Variants in EIF3H observed in about 807,000 individuals in gnomAD.
EIF3H encodes eIF-3-gamma.
A neutral mutation model predicts 44.2 loss-of-function variants in EIF3H; 26 were observed. The ratio of observed to expected loss-of-function variants is 0.59; its 90% CI spans 0.43 to 0.82. EIF3H has a LOEUF of 0.82. EIF3H is among the 40% of genes least tolerant of loss of function. The probability of loss-of-function intolerance (pLI) is 0.00; values close to 1 mark genes in which losing one functional copy is unlikely to be tolerated. For missense variants in EIF3H, 359 were observed against 432.8 expected, an observed-to-expected ratio of 0.83 and a Z score of 1.51; for synonymous variants, 166 against 151.9, an observed-to-expected ratio of 1.09 and a Z score of -0.68.
At chr8:116,710,773 T>C (rs1027440095) in intron 2 of EIF3H, among the ~76,000 whole-genome samples, 1 of 152,216 alleles carries the variant, frequency 6.6e-6, no homozygotes, top group African/African-American at 2.4e-5. Flanking sequence ...TGGTTCTGCA[T>C]TTGCCATTAA....
chr8:116,723,295 A>G (rs1191818209), intron 2 of EIF3H, among the ~76,000 whole-genome samples: 1 of 152,198 alleles, frequency 6.6e-6, no homozygotes, highest in Non-Finnish European at 1.5e-5. Flanking sequence ...TTTAAATATA[A>G]TTAAGTACCC....
intron 5 of EIF3H, among the ~76,000 whole-genome samples, chr8:116,651,542 C>T (rs1813394054): frequency 6.6e-6 from 1 of 152,170 alleles, no homozygotes; most frequent in Non-Finnish European, 1.5e-5. Flanking sequence ...GTAAATTTAT[C>T]TTTTAATCCC....
upstream of EIF3H, chr8:116,755,854 G>A: frequency 6.2e-7 from 1 of 1,600,814 alleles, no homozygotes; most frequent in Non-Finnish European, 8.5e-7. Flanking sequence ...GGAAGTACAA[G>A]TCTCGCGTGA....
intron 1 of EIF3H, among the ~76,000 whole-genome samples, chr8:116,763,014 A>G (rs886552754): frequency 3.3e-5 from 5 of 152,248 alleles, no homozygotes; most frequent in Non-Finnish European, 7.3e-5. Flanking sequence ...ACTCCAGAAT[A>G]AAATCAGGAG....
chr8:116,651,598 T>C (rs951497872), intron 5 of EIF3H, among the ~76,000 whole-genome samples: 1 of 152,252 alleles, frequency 6.6e-6, no homozygotes, highest in Non-Finnish European at 1.5e-5. Flanking sequence ...CATGGTCTGA[T>C]GACTTCACCT....
intron 1 of EIF3H, among the ~76,000 whole-genome samples, chr8:116,733,445 A>C (rs1046247934): frequency 5.3e-5 from 8 of 152,192 alleles, no homozygotes; most frequent in African/African-American, 1.7e-4. Context: ...GGCCTGACCT[A>C]AATCACCTCA....
intron 1 of EIF3H, among the ~76,000 whole-genome samples, chr8:116,754,183 G>A (rs1401286829): frequency 6.6e-6 from 1 of 151,484 alleles, no homozygotes; most frequent in East Asian, 1.9e-4. Context: ...GCACAATCTC[G>A]GCTCACTGCA....
chr8:116,711,167 G>GA (rs1001513004), intron 2 of EIF3H, among the ~76,000 whole-genome samples: 3 of 152,034 alleles, frequency 2.0e-5, no homozygotes, highest in Admixed American at 2.0e-4. Flanking sequence ...TCTGGATTCT[G>GA]AAAAAAACAT....
intron 1 of EIF3H, among the ~76,000 whole-genome samples, chr8:116,729,954 GACTC>G (rs1449448184): frequency 6.6e-6 from 1 of 152,158 alleles, no homozygotes; most frequent in Non-Finnish European, 1.5e-5. Context: ...ATTCAGGAAA[GACTC>G]AATCACTAAA....
chr8:116,734,476 T>A (rs1815000153), intron 1 of EIF3H: 1 of 440,010 alleles, frequency 2.3e-6, no homozygotes, highest in Admixed American at 2.5e-5. Flanking sequence ...TCTAGATGGA[T>A]AAGCACTAGG....
chr8:116,752,774 AGGGAGGGAGGGAGGGAGGGAG>A lies in EIF3H; in HGVS notation c.132+2871_132+2891del, dbSNP rs1563663172. On this transcript the variant is annotated intron_variant, in intron 1 of 7. Transcript: ENST00000521861. ...GAAAGAGGGAGGGAGGGAGGGAGGGAGGGAGGGAGGGAGGGAGGGAGGGAAGGAAGGAAGGAAGGAAGGAAG... is the reference window on the plus strand; with the variant it reads ...GAAAGAGGGAGGGAGGGAGGGAGGGAGGAAGGAAGGAAGGAAGGAAGGAAG... Among the ~76,000 whole-genome samples, 5 of 46,988 alleles carry A rather than the reference AGGGAGGGAGGGAGGGAGGGAG, an allele frequency of 1.1e-4. 1 individual carries two copies. The highest frequency in any genetic ancestry group is 3.5e-4 in the African/African-American group (5 of 14,440). The allele number at this position is 46,988 out of a possible 152,430, so 30.8% of individuals were successfully genotyped here. A position where few individuals can be genotyped will look rare whatever the true frequency, so the allele number is the denominator to read the frequency against.
At chr8:116,715,688 A>T (rs1814650007) in intron 2 of EIF3H, among the ~76,000 whole-genome samples, 1 of 152,136 alleles carries the variant, frequency 6.6e-6, no homozygotes, top group Admixed American at 6.6e-5. Context: ...GCAGTGAGTT[A>T]TTGAATCTGT....
At chr8:116,651,086 A>T (rs1456117617) in intron 5 of EIF3H, among the ~76,000 whole-genome samples, 1 of 152,204 alleles carries the variant, frequency 6.6e-6, no homozygotes, top group East Asian at 1.9e-4. Context: ...AATGGTTGTA[A>T]AACATTGTGA....
chr8:116,651,739 T>C (rs1813397337), intron 5 of EIF3H, among the ~76,000 whole-genome samples: 1 of 152,204 alleles, frequency 6.6e-6, no homozygotes, highest in Non-Finnish European at 1.5e-5. Context: ...AATTTCTAAA[T>C]AGTTGATTTA....
chr8:116,645,196 G>A, intron 7 of EIF3H, 93 bp from the exon 8 acceptor site: 4 of 898,510 alleles, frequency 4.5e-6, no homozygotes, highest in East Asian at 5.1e-5. Context: ...GCATAAAACA[G>A]AATCACCTGT....
chr8:116,755,596 G>C, intron 1 of EIF3H, 70 bp downstream of exon 1: 1 of 1,599,008 alleles, frequency 6.3e-7, no homozygotes, highest in Admixed American at 1.7e-5. Context: ...ATGCTAGAAA[G>C]TACGTCTGGT....
rs116520740 is a variant in EIF3H at position 116,644,438 on chromosome 8, A to G, written c.*568T>C. ...ATCTTGTGTCCCATGGCCTATGAGTACGGGGACTGGTTGACCATCACCTGC... is the reference window on the plus strand; with the variant it reads ...ATCTTGTGTCCCATGGCCTATGAGTGCGGGGACTGGTTGACCATCACCTGC... On this transcript the variant is annotated 3_prime_UTR_variant, in exon 8 of 8. Coordinates refer to ENST00000521861, the MANE Select transcript of EIF3H (RefSeq NM_003756.3). The G allele has an allele frequency of 5.9e-3, 899 of 153,258 alleles. 8 individuals are homozygous for G. Among genetic ancestry groups the G allele is most frequent in the African/African-American group, 0.021 (878 of 41,562 alleles). The allele number at this position is 153,258 out of a possible 1,614,324, so 9.5% of individuals were successfully genotyped here. A position where few individuals can be genotyped will look rare whatever the true frequency, so the allele number is the denominator to read the frequency against.
intron 2 of EIF3H, among the ~76,000 whole-genome samples, chr8:116,707,696 C>T (rs1814494510): frequency 6.6e-6 from 1 of 152,072 alleles, no homozygotes; most frequent in African/African-American, 2.4e-5. Flanking sequence ...CAGTAAAGCC[C>T]TCATTATCTG....
At chr8:116,748,231 T>A (rs1198246726) in intron 1 of EIF3H, among the ~76,000 whole-genome samples, 1 of 151,972 alleles carries the variant, frequency 6.6e-6, no homozygotes, top group Non-Finnish European at 1.5e-5. Flanking sequence ...TCCATTAGAT[T>A]TGAATAACCA....
Sources: allele counts gnomAD v4.1 joint callset (sites outside exome capture counted in the v4.1 genomes callset), GRCh38; gene constraint gnomAD v4.1.1; transcripts MANE v1.5; gene names NCBI Gene and HGNC (gene_info 2026-07-23, HGNC 2026-07-21).